Variants in FAR2 observed in about 807,000 individuals in gnomAD.
FAR2 encodes the protein epididymis secretory protein Li 81.
A neutral mutation model predicts 56.0 loss-of-function variants in FAR2; 19 were observed. The observed-to-expected ratio is 0.34, with a 90% CI of 0.24 to 0.50. The LOEUF is 0.50. Ranked by LOEUF, FAR2 falls within the 20% of genes least tolerant of loss-of-function variation. The probability of loss-of-function intolerance (pLI) is 0.98; values close to 1 mark genes in which losing one functional copy is unlikely to be tolerated. For synonymous variants in FAR2, 219 were observed against 218.8 expected (o/e 1.00, Z -0.01); for missense variants, 508 against 642.2 (o/e 0.79, Z 2.26).
chr12:29,212,935 G>T (rs972426729), intron 1 of FAR2, among the ~76,000 whole-genome samples: 1 of 152,102 alleles, frequency 6.6e-6, no homozygotes, highest in Non-Finnish European at 1.5e-5. Context: ...CAAAATAAGG[G>T]CTAAATAATT....
chr12:29,187,324 C>T (rs928022137), intron 1 of FAR2, among the ~76,000 whole-genome samples: 6 of 151,790 alleles, frequency 4.0e-5, no homozygotes, highest in African/African-American at 1.2e-4. Flanking sequence ...TATTAAATAA[C>T]GTTTTGCTTG....
chr12:29,276,889 G>A (rs866920635), intron 2 of FAR2, among the ~76,000 whole-genome samples: 15 of 150,974 alleles, frequency 9.9e-5, no homozygotes, highest in Middle Eastern at 6.8e-3. Flanking sequence ...ATATATATAT[G>A]TGTGTGTATG....
chr12:29,295,620 T>G (rs1044108891), intron 3 of FAR2, among the ~76,000 whole-genome samples: 1 of 152,068 alleles, frequency 6.6e-6, no homozygotes, highest in Non-Finnish European at 1.5e-5. Flanking sequence ...TTTTATTCAA[T>G]TTTTTATTTG....
At chr12:29,260,163 G>C (rs924698586) in intron 1 of FAR2, among the ~76,000 whole-genome samples, 6 of 152,116 alleles carry the variant, frequency 3.9e-5, no homozygotes, top group Non-Finnish European at 7.4e-5. Context: ...TTGGATTTCA[G>C]GGAGCCAAAT....
intron 1 of FAR2, among the ~76,000 whole-genome samples, chr12:29,236,475 G>A (rs1055494058): frequency 1.6e-4 from 25 of 152,132 alleles, no homozygotes; most frequent in African/African-American, 4.1e-4. Context: ...TCATGGTTCC[G>A]CATGGCTGGG....
intron 2 of FAR2, among the ~76,000 whole-genome samples, chr12:29,291,161 T>G (rs183424820): frequency 4.2e-4 from 64 of 151,976 alleles, no homozygotes; most frequent in Middle Eastern, 3.4e-3. Flanking sequence ...AGAAAGAGTT[T>G]CCCTACAAAA....
chr12:29,272,594 A>T (rs1948637407), intron 2 of FAR2, among the ~76,000 whole-genome samples: 1 of 152,112 alleles, frequency 6.6e-6, no homozygotes, highest in Non-Finnish European at 1.5e-5. Flanking sequence ...TTAGCTCATC[A>T]TAGTTTTATA....
At chr12:29,235,651 C>CT (rs1947928588) in intron 1 of FAR2, among the ~76,000 whole-genome samples, 3 of 152,122 alleles carry the variant, frequency 2.0e-5, no homozygotes, top group Admixed American at 6.6e-5. Context: ...TGCATGTTAT[C>CT]TTTTTTAGAG....
At chr12:29,253,273 A>ATATC (rs1948252703) in intron 1 of FAR2, among the ~76,000 whole-genome samples, 2 of 15,240 alleles carry the variant, frequency 1.3e-4, no homozygotes, top group African/African-American at 4.2e-4. Context: ...ATAGATATCT[A>ATATC]TATATCGATA....
At chr12:29,172,090 G>A (rs1949892970) in intron 1 of FAR2, 1 of 144,530 alleles carries the variant, frequency 6.9e-6, no homozygotes, top group African/African-American at 2.6e-5. Flanking sequence ...GCCACCAACT[G>A]TCTGGGAAGT....
chr12:29,280,464 G>C (rs1372712215), intron 2 of FAR2: 1 of 152,156 alleles, frequency 6.6e-6, no homozygotes, highest in Non-Finnish European at 1.5e-5. Flanking sequence ...GGAAAGGAAA[G>C]TATAATCAGA....
Position 29,212,512 on chromosome 12 carries a change from A to G in FAR2, c.-38-57900A>G, listed in dbSNP as rs146148119. Among the ~76,000 whole-genome samples, 221 of 152,222 alleles carry G rather than the reference A, an allele frequency of 1.5e-3. 1 individual carries two copies. The South Asian group carries it at 0.021, about 15-fold the overall frequency. On this transcript the variant is annotated intron_variant, in intron 1 of 11. Transcript: ENST00000536681. The stretch of plus-strand genomic sequence containing the variant: ...TCCTTTTCTTATGTCTTCTTTTCCT[A>G]TCATTTGGCATAATTACTCATAATT...
At chr12:29,326,183 C>A (rs1382598220) in intron 10 of FAR2, among the ~76,000 whole-genome samples, 1 of 152,048 alleles carries the variant, frequency 6.6e-6, no homozygotes, top group Admixed American at 6.5e-5. Context: ...ACACATACAC[C>A]CTCCCAAGAC....
intron 1 of FAR2, among the ~76,000 whole-genome samples, chr12:29,154,515 A>T (rs753484632): frequency 2.6e-5 from 4 of 151,974 alleles, no homozygotes; most frequent in Admixed American, 6.5e-5. Flanking sequence ...GCTCACTGCA[A>T]GCTCCGCCTC....
At chr12:29,200,870 G>C (rs1172001024) in intron 1 of FAR2, among the ~76,000 whole-genome samples, 1 of 152,170 alleles carries the variant, frequency 6.6e-6, no homozygotes, top group African/African-American at 2.4e-5. Context: ...ATAAATGTGA[G>C]TCTGACTAGC....
Position 29,213,461 on chromosome 12 carries a change from G to A in FAR2, c.-38-56951G>A, listed in dbSNP as rs141930783. On this transcript the variant is annotated intron_variant, in intron 1 of 11. Transcript: ENST00000536681. ...TTCCAGCACTTTGGGAGGCCAAGGC[G>A]GGTAGATCACCTGAGGCCAGGAATT... is the stretch of plus-strand genomic sequence containing the variant. Among the ~76,000 whole-genome samples the A allele has an allele frequency of 3.9e-3, 599 of 152,152 alleles. 3 individuals are homozygous for A. The highest frequency in any genetic ancestry group is 6.8e-3 in the Middle Eastern group (2 of 294).
intron 1 of FAR2, among the ~76,000 whole-genome samples, chr12:29,194,990 T>C (rs909409480): frequency 6.6e-6 from 1 of 152,200 alleles, no homozygotes; most frequent in African/African-American, 2.4e-5. Context: ...TAAGTCTAAG[T>C]GGCATCTCTG....
chr12:29,264,305 G>A (rs1391848923), intron 1 of FAR2, among the ~76,000 whole-genome samples: 1 of 152,042 alleles, frequency 6.6e-6, no homozygotes, highest in Non-Finnish European at 1.5e-5. Context: ...AAAAAACTGG[G>A]TATAGAAGGA....
At chr12:29,324,912 A>G (rs1949619024) in intron 10 of FAR2, among the ~76,000 whole-genome samples, 1 of 152,220 alleles carries the variant, frequency 6.6e-6, no homozygotes, top group South Asian at 2.1e-4. Flanking sequence ...CTAACCTTAA[A>G]TGTAAATGGG....
Sources: allele counts gnomAD v4.1 joint callset (sites outside exome capture counted in the v4.1 genomes callset), GRCh38; gene constraint gnomAD v4.1.1; transcripts MANE v1.5; gene names NCBI Gene and HGNC (gene_info 2026-07-23, HGNC 2026-07-21).